The following ABI1 variants were observed in gnomAD, a reference collection of about 807,000 sequenced individuals.
ABI1 encodes Abelson interactor 1.
ABI1 carries 14 observed loss-of-function variants against 54.6 expected under a neutral mutation model. That is an observed-to-expected ratio of 0.26 (90% CI 0.17 to 0.40). The LOEUF (loss-of-function observed/expected upper bound fraction) is 0.40. Among genes scored for constraint, ABI1 ranks in the 10% least tolerant of loss-of-function variants. ABI1 has a pLI of 1.00. For synonymous variants in ABI1, 194 were observed against 209.3 expected, an observed-to-expected ratio of 0.93 and a Z score of 0.63; for missense variants, 443 against 598.3, an observed-to-expected ratio of 0.74 and a Z score of 2.71.
At chr10:26,844,754 G>C (rs1208304874) in intron 1 of ABI1, among the ~76,000 whole-genome samples, 1 of 152,224 alleles carries the variant, frequency 6.6e-6, no homozygotes, top group African/African-American at 2.4e-5. Context: ...GGGGAAAATA[G>C]ATACCGGTTA....
chr10:26,789,991 ATGG>A (rs1843207452), intron 2 of ABI1, among the ~76,000 whole-genome samples: 1 of 152,312 alleles, frequency 6.6e-6, no homozygotes, highest in Non-Finnish European at 1.5e-5. Flanking sequence ...ATAGTATTCC[ATGG>A]TGTATACGTA....
chr10:26,759,056 G>A lies in ABI1; in HGVS notation c.997+6C>T. The A allele has an allele frequency of 6.2e-7, 1 of 1,612,346 alleles. No individual in the cohort carries two copies. Among genetic ancestry groups the A allele is most frequent in the Admixed American group, 1.7e-5 (1 of 59,636 alleles). Reference sequence around the variant, plus strand: ...GTTGCTGTATGCCTGCAAAGCACAAGCTTACTTGAATTTTGAGAATAAAGT... The same window carrying A: ...GTTGCTGTATGCCTGCAAAGCACAAACTTACTTGAATTTTGAGAATAAAGT... On this transcript the variant is annotated splice_donor_region_variant and intron_variant, in intron 8 of 10. Transcript: ENST00000376140.
chr10:26,837,716 G>C (rs796370549), intron 1 of ABI1, among the ~76,000 whole-genome samples: 68 of 152,196 alleles, frequency 4.5e-4, no homozygotes, highest in African/African-American at 1.6e-3. Flanking sequence ...CCAGTTTCAA[G>C]CAATTCACAT....
At chr10:26,806,975 CAATT>C (rs1398549031) in intron 2 of ABI1, among the ~76,000 whole-genome samples, 2 of 152,110 alleles carry the variant, frequency 1.3e-5, no homozygotes, top group Non-Finnish European at 2.9e-5. Flanking sequence ...AGTTTTATCT[CAATT>C]GATTATCTTT....
At chr10:26,842,771 G>A (rs1201033160) in intron 1 of ABI1, among the ~76,000 whole-genome samples, 2 of 152,184 alleles carry the variant, frequency 1.3e-5, no homozygotes, top group African/African-American at 4.8e-5. Context: ...AAGAGGCTAG[G>A]CGCAGTGGCT....
chr10:26,751,961 A>G (rs546545284), intron 9 of ABI1, among the ~76,000 whole-genome samples, 178 bp from the exon 10 acceptor site: 1 of 152,330 alleles, frequency 6.6e-6, no homozygotes, highest in Admixed American at 6.5e-5. Context: ...TCATTTAAAA[A>G]TAACAAAATG....
chr10:26,790,742 C>T (rs530943323), intron 2 of ABI1: 2 of 152,128 alleles, frequency 1.3e-5, no homozygotes, highest in African/African-American at 4.8e-5. Context: ...CAAACAAGGC[C>T]TCTGAATTTG....
At chr10:26,851,348 ATTTTTTTTTTT>A (rs397724445) in intron 1 of ABI1, among the ~76,000 whole-genome samples, 781 of 67,808 alleles carry the variant, frequency 0.012, 8 homozygotes, top group Middle Eastern at 0.041. Context: ...GACTAAGCTA[ATTTTTTTTTTT>A]TTTTTTTTTT....
At chr10:26,846,314 C>G (rs1052177175) in intron 1 of ABI1, among the ~76,000 whole-genome samples, 2 of 151,346 alleles carry the variant, frequency 1.3e-5, no homozygotes, top group Non-Finnish European at 2.9e-5. Flanking sequence ...TTATATCATC[C>G]CATTGCTGAA....
chr10:26,854,188 CT>C (rs2050632796), intron 1 of ABI1, among the ~76,000 whole-genome samples: 1 of 152,066 alleles, frequency 6.6e-6, no homozygotes, highest in Non-Finnish European at 1.5e-5. Flanking sequence ...TCTAAGAAAA[CT>C]CTCCAAAAGA....
chr10:26,806,742 G>GTCCC (rs1475064732), intron 2 of ABI1, among the ~76,000 whole-genome samples: 1 of 152,126 alleles, frequency 6.6e-6, no homozygotes, highest in Non-Finnish European at 1.5e-5. Flanking sequence ...ACACCTTACA[G>GTCCC]GGGAAGCAGC....
intron 2 of ABI1, 32 bp downstream of exon 2, chr10:26,823,106 A>C: frequency 6.5e-7 from 1 of 1,540,700 alleles, no homozygotes. Flanking sequence ...GTTTTTTTTA[A>C]ATTGAATTTA....
chr10:26,843,483 A>AAT (rs2049730299), intron 1 of ABI1, among the ~76,000 whole-genome samples: 1 of 36,602 alleles, frequency 2.7e-5, no homozygotes, highest in Non-Finnish European at 4.4e-5. Flanking sequence ...AAAAAAAAAA[A>AAT]AAATATATAT....
chr10:26,785,850 C>T (rs1307888147), intron 2 of ABI1, among the ~76,000 whole-genome samples: 1 of 152,146 alleles, frequency 6.6e-6, no homozygotes, highest in Non-Finnish European at 1.5e-5. Flanking sequence ...GAGTGCAGTG[C>T]ATTACAGGAG....
intron 1 of ABI1, among the ~76,000 whole-genome samples, chr10:26,845,810 T>TAAAG (rs66537542): frequency 0.25 from 38,598 of 151,598 alleles, 5,518 homozygotes; most frequent in South Asian, 0.44. Context: ...AGAAAAATAA[T>TAAAG]AGTCACAGTC....
intron 1 of ABI1, among the ~76,000 whole-genome samples, chr10:26,851,989 G>A (rs1260907026): frequency 6.6e-6 from 1 of 152,022 alleles, no homozygotes; most frequent in East Asian, 1.9e-4. Context: ...ATTTTAAAAT[G>A]ACACCCATGA....
At chr10:26,778,019 T>C (rs951449377) in intron 2 of ABI1, among the ~76,000 whole-genome samples, 8 of 151,954 alleles carry the variant, frequency 5.3e-5, no homozygotes, top group Non-Finnish European at 7.4e-5. Context: ...ACAGAGTAGG[T>C]ACCTACTCTG....
In ABI1 at chr10:26,856,022, C is replaced by T. The variant is rs982847431; in HGVS notation, c.117+4725G>A. Among the ~76,000 whole-genome samples the T allele has an allele frequency of 7.5e-5, 11 of 147,006 alleles. No individual in the cohort carries two copies. In the Admixed American group the frequency reaches 7.6e-4, roughly 10 times the overall value. ...CCATTCTGGGCTGGGCATGGTGGCT[C>T]ACACCTGTAATCCCAACTCCATGGG... is the stretch of plus-strand genomic sequence containing the variant. On this transcript the variant is annotated intron_variant, in intron 1 of 10. Transcript: ENST00000376140.
chr10:26,837,319 C>A (rs1041458077), intron 1 of ABI1, among the ~76,000 whole-genome samples: 2 of 152,148 alleles, frequency 1.3e-5, no homozygotes, highest in Non-Finnish European at 2.9e-5. Flanking sequence ...CAGAGAGAGA[C>A]CAATCTCTGT....
Sources: allele counts gnomAD v4.1 joint callset (sites outside exome capture counted in the v4.1 genomes callset), GRCh38; gene constraint gnomAD v4.1.1; transcripts MANE v1.5; gene names NCBI Gene and HGNC (gene_info 2026-07-23, HGNC 2026-07-21).